The following RPF1 variants were observed in gnomAD, a reference collection of about 807,000 sequenced individuals.
The protein encoded by RPF1 is ribosome production factor 1 homolog, also known as ribosome production factor 1.
In RPF1, 34 loss-of-function variants were observed where a neutral mutation model predicts 41.9. The observed-to-expected ratio is 0.81, with a 90% CI of 0.62 to 1.08. The LOEUF is 1.08. RPF1 is among the 50% of genes least tolerant of loss of function. The pLI is 0.00. For synonymous variants in RPF1, 140 were observed against 148.9 expected, an observed-to-expected ratio of 0.94 and a Z score of 0.43; for missense variants, 425 against 435.2, an observed-to-expected ratio of 0.98 and a Z score of 0.21.
In RPF1 at chr1:84,480,861, A is replaced by C. The variant is rs531006973; in HGVS notation, c.229-95A>C. On this transcript the variant is annotated intron_variant, in intron 1 of 8. Transcript: ENST00000370654. ...TAGATTACAAAGACCGCCCAGTTCG[A>C]GTATTCATAGCATTAGTAATTTGTA... 16 of 682,894 alleles carry C rather than the reference A, an allele frequency of 2.3e-5. No individual in the cohort carries two copies. The South Asian group carries it at 2.8e-4, about 12-fold the overall frequency. The allele number at this position is 682,894 out of a possible 1,614,324, so 42.3% of individuals were successfully genotyped here. A position where few individuals can be genotyped will look rare whatever the true frequency, so the allele number is the denominator to read the frequency against.
chr1:84,488,707 G>C (rs1289378277), intron 3 of RPF1, among the ~76,000 whole-genome samples: 1 of 152,034 alleles, frequency 6.6e-6, no homozygotes, highest in Non-Finnish European at 1.5e-5. Context: ...TGAGTTAAGG[G>C]TTAAGTAAAT....
At chr1:84,495,095 G>C (rs973658237) in intron 5 of RPF1, among the ~76,000 whole-genome samples, 1 of 151,916 alleles carries the variant, frequency 6.6e-6, no homozygotes, top group Admixed American at 6.6e-5. Flanking sequence ...ACCTACTTTA[G>C]TTTAGGGTAC....
rs1332283064 is a variant in RPF1, at chr1:84,498,209, A to T, written c.*739A>T. 6.6e-6 allele frequency: 1 copy of T among 152,520 alleles called. No individual in the cohort carries two copies. The highest frequency in any genetic ancestry group is 1.5e-5 in the Non-Finnish European group (1 of 68,024). The allele number at this position is 152,520 out of a possible 1,614,324, so 9.4% of individuals were successfully genotyped here. A position where few individuals can be genotyped will look rare whatever the true frequency, so the allele number is the denominator to read the frequency against. ...ATTCCCTAGCAGTCTTGCCAGATGT[A>T]TGGCATAAAGTCATGTGAGAAGAGT... On this transcript the variant is annotated 3_prime_UTR_variant, in exon 9 of 9. Coordinates refer to ENST00000370654, the MANE Select transcript of RPF1 (RefSeq NM_025065.7).
chr1:84,496,555 T>C (rs981319658), intron 8 of RPF1, among the ~76,000 whole-genome samples, 185 bp downstream of exon 8: 5 of 129,566 alleles, frequency 3.9e-5, no homozygotes, highest in Admixed American at 8.0e-5. Context: ...CCTGCACATA[T>C]ACCCTTGAAC....
intron 5 of RPF1, among the ~76,000 whole-genome samples, chr1:84,493,167 A>G (rs1437606896): frequency 6.6e-6 from 1 of 152,100 alleles, no homozygotes; most frequent in Admixed American, 6.5e-5. Context: ...TCTAGAAAGG[A>G]TTTAAGCCTT....
At chr1:84,489,464 T>C (rs1323079460) in intron 3 of RPF1, among the ~76,000 whole-genome samples, 169 bp from the exon 4 acceptor site, 1 of 152,194 alleles carries the variant, frequency 6.6e-6, no homozygotes, top group African/African-American at 2.4e-5. Context: ...AGAAATCCAC[T>C]CATCCATTCT....
Position 84,497,426 on chromosome 1 carries a change from C to T in RPF1, c.1009-3C>T, listed in dbSNP as rs746555214. 6.2e-7 allele frequency: 1 copy of T among 1,609,766 alleles called. No individual in the cohort carries two copies. Among genetic ancestry groups the T allele is most frequent in the South Asian group, 1.1e-5 (1 of 90,514 alleles). Reference sequence around the variant, plus strand: ...CCTCCACTCCCTTGCTTTCCACTTTCAGCCCCGGGAAATGGATACAAGTAG... The same window carrying T: ...CCTCCACTCCCTTGCTTTCCACTTTTAGCCCCGGGAAATGGATACAAGTAG... On this transcript the variant is annotated splice_polypyrimidine_tract_variant and splice_region_variant and intron_variant, in intron 8 of 8. Coordinates refer to ENST00000370654, the MANE Select transcript of RPF1 (RefSeq NM_025065.7).
intron 7 of RPF1, 79 bp from the exon 8 acceptor site, chr1:84,496,165 A>G: frequency 1.4e-6 from 2 of 1,468,220 alleles, no homozygotes; most frequent in South Asian, 1.2e-5. Context: ...TACAAGATAA[A>G]ATGAATTATC....
intron 3 of RPF1, among the ~76,000 whole-genome samples, chr1:84,487,575 G>T (rs1681757853): frequency 6.6e-6 from 1 of 152,020 alleles, no homozygotes; most frequent in Non-Finnish European, 1.5e-5. Flanking sequence ...GTCTTTTGAG[G>T]ACCAGGACCA....
chr1:84,483,162 G>T, intron 3 of RPF1, 167 bp downstream of exon 3: 2 of 503,182 alleles, frequency 4.0e-6, no homozygotes, highest in Non-Finnish European at 3.6e-6. Context: ...TTTCATAATT[G>T]AATTTCCCAA....
Position 84,490,408 on chromosome 1 carries a change from T to C in RPF1, c.552T>C (p.Ile184=), listed in dbSNP as rs773591211. The change falls in exon 5 of 9, where the codon ATT becomes ATC. Residue 184 remains isoleucine, a synonymous_variant. Coordinates refer to ENST00000370654, the MANE Select transcript of RPF1 (RefSeq NM_025065.7). ...GAGGACTGGCTCTGAAAAAAATTAT[T>C]CCACAGTGCATCGCAAGAGATTTCA... ...YRRGLALKKI[I]PQCIARDFTD... is the part of the protein sequence containing the mutation. 1.2e-6 allele frequency: 2 copies of C among 1,612,188 alleles called. No homozygotes were observed. Among genetic ancestry groups the C allele is most frequent in the East Asian group, 4.5e-5 (2 of 44,766 alleles).
intron 7 of RPF1, 86 bp downstream of exon 7, chr1:84,496,149 G>A: frequency 1.4e-6 from 2 of 1,465,804 alleles, no homozygotes; most frequent in Non-Finnish European, 1.9e-6. Flanking sequence ...ATTGTAGCAA[G>A]TATCATACAA....
At chr1:84,493,782 AG>A (rs1376810790) in intron 5 of RPF1, among the ~76,000 whole-genome samples, 1 of 152,242 alleles carries the variant, frequency 6.6e-6, no homozygotes, top group Non-Finnish European at 1.5e-5. Context: ...AAAACGTTGC[AG>A]GTATTCAAAA....
Position 84,497,644 on chromosome 1 carries a change from CA to C in RPF1, c.*177del, listed in dbSNP as rs1681966787. The C allele has an allele frequency of 1.5e-5, 7 of 470,216 alleles. No homozygotes were observed. In the South Asian group the frequency reaches 3.3e-4, roughly 22 times the overall value. The allele number at this position is 470,216 out of a possible 1,614,324, so 29.1% of individuals were successfully genotyped here. A position where few individuals can be genotyped will look rare whatever the true frequency, so the allele number is the denominator to read the frequency against. On this transcript the variant is annotated 3_prime_UTR_variant, in exon 9 of 9. Transcript: ENST00000370654. ...CCACTGTGTGTTTATGTAGAAAATA[CA>C]AATAAAAGTTATTTTGATGGCTTAG...
intron 5 of RPF1, among the ~76,000 whole-genome samples, chr1:84,493,587 CA>C (rs202049817): frequency 3.0e-4 from 39 of 129,546 alleles, no homozygotes; most frequent in East Asian, 4.7e-4. Flanking sequence ...GAGACCGTCT[CA>C]AAAAAAAAAA....
intron 5 of RPF1, among the ~76,000 whole-genome samples, chr1:84,490,855 A>C (rs535725472): frequency 6.6e-6 from 1 of 152,218 alleles, no homozygotes; most frequent in East Asian, 1.9e-4. Flanking sequence ...CTGGGAGGAA[A>C]GACTTCCCAT....
chr1:84,481,906 C>G (rs1681657253), intron 2 of RPF1, among the ~76,000 whole-genome samples: 1 of 152,164 alleles, frequency 6.6e-6, no homozygotes, highest in Non-Finnish European at 1.5e-5. Context: ...TTCATACATT[C>G]TTTGAATAGT....
At position 84,479,292 on chromosome 1, in the gene RPF1, C is replaced by G; in HGVS notation, c.11C>G (p.Ala4Gly). ...AAAGGAGCCAAGACCATGGCGAAAGCCGGGGATAAGAGCAGCAGCAGCGGG... is the reference window on the plus strand; with the variant it reads ...AAAGGAGCCAAGACCATGGCGAAAGGCGGGGATAAGAGCAGCAGCAGCGGG... The part of the protein sequence containing the change: MAK[A>G]GDKSSSSGKK... Residue 4 changes from alanine to glycine, a missense_variant, in exon 1 of 9, where the codon GCC becomes GGC. Coordinates refer to ENST00000370654, the MANE Select transcript of RPF1 (RefSeq NM_025065.7). The G allele has an allele frequency of 6.3e-7, 1 of 1,598,860 alleles. No homozygotes were observed.
chr1:84,484,379 G>C lies in RPF1; in HGVS notation c.366+1384G>C, dbSNP rs138356987. On this transcript the variant is annotated intron_variant, in intron 3 of 8. Transcript: ENST00000370654. ...TTGATATTGGTATTCAATATTATCT[G>C]TTCTATAGATCTTACTCAGATGTCA... Among the ~76,000 whole-genome samples the C allele has an allele frequency of 4.0e-5, 6 of 150,846 alleles. No homozygotes were observed. The East Asian group carries it at 1.2e-3, about 29-fold the overall frequency.
Sources: gnomAD v4.1 joint callset for allele counts (sites outside exome capture counted in the v4.1 genomes callset) on GRCh38, gnomAD v4.1.1 for gene constraint, MANE v1.5 for transcripts, NCBI Gene and HGNC (gene_info 2026-07-23, HGNC 2026-07-21) for gene names.